MBTPS1: variants seen among roughly 807,000 people sequenced by gnomAD.
MBTPS1 encodes membrane bound transcription factor peptidase, site 1.
In MBTPS1, 94 loss-of-function variants were observed where a neutral mutation model predicts 127.8. That is an observed-to-expected ratio of 0.74 (90% CI 0.62 to 0.87). The LOEUF (loss-of-function observed/expected upper bound fraction) is 0.87, where lower values mean the gene tolerates loss of function less well. Ranked by LOEUF, MBTPS1 falls within the 40% of genes least tolerant of loss-of-function variation. MBTPS1 has a pLI of 0.00. For synonymous variants in MBTPS1, 632 were observed against 509.4 expected, an observed-to-expected ratio of 1.24 and a Z score of -3.24; for missense variants, 1,636 against 1,353.2, an observed-to-expected ratio of 1.21 and a Z score of -3.28.
chr16:84,116,433 G>C (rs1408479767), intron 1 of MBTPS1, among the ~76,000 whole-genome samples: 1 of 152,212 alleles, frequency 6.6e-6, no homozygotes, highest in Non-Finnish European at 1.5e-5. Context: ...CTAGAATTGA[G>C]TCTGTCTGGA....
At chr16:84,090,543 C>G (rs1022002321) in intron 8 of MBTPS1, among the ~76,000 whole-genome samples, 2 of 152,130 alleles carry the variant, frequency 1.3e-5, no homozygotes, top group African/African-American at 4.8e-5. Flanking sequence ...TGCAGAATCC[C>G]TAATAGATTC....
intron 8 of MBTPS1, among the ~76,000 whole-genome samples, chr16:84,089,117 G>A (rs2086069582): frequency 6.6e-6 from 1 of 152,258 alleles, no homozygotes; most frequent in Admixed American, 6.5e-5. Context: ...TGGCCAGGAG[G>A]ATGGGCAGAG....
chr16:84,071,656 T>C (rs2085771051), intron 12 of MBTPS1: 1 of 152,106 alleles, frequency 6.6e-6, no homozygotes. Flanking sequence ...AAAATGGAAA[T>C]TTTATTATCT....
intron 14 of MBTPS1, among the ~76,000 whole-genome samples, chr16:84,069,286 G>A (rs533525950): frequency 6.6e-6 from 1 of 152,364 alleles, no homozygotes; most frequent in East Asian, 1.9e-4. Context: ...CAGGCACAGG[G>A]AGAGCGGCTA....
In MBTPS1 at chr16:84,082,565, C is replaced by T. The variant is rs186912575; in HGVS notation, c.1287-657G>A. ...TAGCCTGGTGATACTAGCGTTACAA[C>T]ATCCATTTTTGTGTATTTATGTATT... On this transcript the variant is annotated intron_variant, in intron 10 of 22. Transcript: ENST00000343411. 1.1e-3 allele frequency among the ~76,000 whole-genome samples: 162 copies of T among 152,234 alleles called. 4 individuals are homozygous for T. The highest frequency in any genetic ancestry group is 1.2e-3 in the East Asian group (6 of 5,188).
chr16:84,068,751 G>A (rs143203763), intron 14 of MBTPS1, among the ~76,000 whole-genome samples: 1,581 of 152,322 alleles, frequency 0.01, 11 homozygotes, highest in Non-Finnish European at 0.013. Flanking sequence ...TGTAGCAGTC[G>A]CGTTCAAGTA....
intron 11 of MBTPS1, among the ~76,000 whole-genome samples, chr16:84,076,779 T>C (rs1432093345): frequency 6.6e-6 from 1 of 152,224 alleles, no homozygotes; most frequent in African/African-American, 2.4e-5. Flanking sequence ...AAACATATCC[T>C]TTGCTCTTAG....
At chr16:84,085,581 C>CCT (rs1567490573) in intron 9 of MBTPS1, among the ~76,000 whole-genome samples, 7 of 108,550 alleles carry the variant, frequency 6.4e-5, no homozygotes, top group African/African-American at 2.5e-4. Context: ...GCCCCCCCCC[C>CCT]AAAAAAAAAG....
chr16:84,066,648 G>A (rs1352813200), intron 16 of MBTPS1, 35 bp from the exon 17 acceptor site: 4 of 1,609,362 alleles, frequency 2.5e-6, no homozygotes, highest in African/African-American at 1.3e-5. Context: ...AGGGAACAGG[G>A]AATGAAGACA....
chr16:84,087,529 G>C, intron 8 of MBTPS1, 69 bp from the exon 9 acceptor site: 1 of 1,055,008 alleles, frequency 9.5e-7, no homozygotes, highest in East Asian at 2.5e-5. Flanking sequence ...ATTTAAAATG[G>C]ATGATTCAAA....
intron 20 of MBTPS1, 69 bp from the exon 21 acceptor site, chr16:84,059,497 G>A: frequency 4.1e-6 from 6 of 1,474,466 alleles, no homozygotes; most frequent in Non-Finnish European, 5.6e-6. Flanking sequence ...GGAAAAAGGA[G>A]GGCCTTATTA....
intron 1 of MBTPS1, among the ~76,000 whole-genome samples, chr16:84,112,487 G>A (rs535699955): frequency 1.2e-4 from 18 of 151,292 alleles, no homozygotes; most frequent in African/African-American, 2.7e-4. Flanking sequence ...CTGAAACCCC[G>A]TTTCCACTAA....
chr16:84,062,582 C>T (rs903915026), intron 19 of MBTPS1, among the ~76,000 whole-genome samples: 1 of 152,160 alleles, frequency 6.6e-6, no homozygotes, highest in Non-Finnish European at 1.5e-5. Flanking sequence ...CCTCGAGTTC[C>T]CCAGTGGTCA....
chr16:84,084,974 A>G lies in MBTPS1; in HGVS notation c.1286+9T>C. On this transcript the variant is annotated intron_variant, in intron 10 of 22. Coordinates refer to ENST00000343411, the MANE Select transcript of MBTPS1 (RefSeq NM_003791.4). Reference sequence around the variant, plus strand: ...TGGGAGCTACTGGTCTCTAGGGGGCAGCACTCACCTCACTAACAAGGTGAC... The same window carrying G: ...TGGGAGCTACTGGTCTCTAGGGGGCGGCACTCACCTCACTAACAAGGTGAC... 6.2e-7 allele frequency: 1 copy of G among 1,613,552 alleles called. No individual in the cohort carries two copies. Among genetic ancestry groups the G allele is most frequent in the Non-Finnish European group, 8.5e-7 (1 of 1,179,810 alleles).
In MBTPS1 at chr16:84,102,015, C is replaced by CG. The variant is rs1412326626; in HGVS notation, c.-233_-232insC. ...TCTCCATCTTGGAAATAAGGCTTCT[C>CG]TCACTCAGGCCGTGACGACTGAGTC... On this transcript the variant is annotated 5_prime_UTR_variant, in exon 2 of 23. Coordinates refer to ENST00000343411, the MANE Select transcript of MBTPS1 (RefSeq NM_003791.4). The CG allele has an allele frequency of 4.0e-6, 2 of 502,800 alleles. No homozygotes were observed. Among genetic ancestry groups the CG allele is most frequent in the East Asian group, 6.7e-5 (2 of 29,650 alleles). The allele number at this position is 502,800 out of a possible 1,614,324, so 31.1% of individuals were successfully genotyped here. A position where few individuals can be genotyped will look rare whatever the true frequency, so the allele number is the denominator to read the frequency against.
chr16:84,108,498 A>C (rs1014223866), intron 1 of MBTPS1, among the ~76,000 whole-genome samples: 6 of 152,208 alleles, frequency 3.9e-5, no homozygotes, highest in Admixed American at 1.3e-4. Context: ...TCCTGACCTC[A>C]GGTGATCCAG....
Position 84,093,193 on chromosome 16 carries a change from T to A in MBTPS1, c.841A>T (p.Asn281Tyr). Residue 281 changes from asparagine (N) to tyrosine (Y), a missense_variant, in exon 6 of 23, where the codon AAT becomes TAT. Coordinates refer to ENST00000343411, the MANE Select transcript of MBTPS1 (RefSeq NM_003791.4). Reference protein sequence around the residue: ...ELHIFRVFTNNQVSYTSWFLD... With the variant: ...ELHIFRVFTNYQVSYTSWFLD... ...GGAGTCCTCAAAACACCTACCTGAT[T>A]ATTGGTAAAGACCCTGAAAATGTGA... The A allele has an allele frequency of 6.2e-7, 1 of 1,608,342 alleles. No individual in the cohort carries two copies. Among genetic ancestry groups the A allele is most frequent in the Non-Finnish European group, 8.5e-7 (1 of 1,174,706 alleles).
At chr16:84,063,032 G>C (rs1469982532) in intron 19 of MBTPS1, among the ~76,000 whole-genome samples, 1 of 152,268 alleles carries the variant, frequency 6.6e-6, no homozygotes, top group Non-Finnish European at 1.5e-5. Context: ...CAACGCGGGA[G>C]TCCCGCCTCC....
chr16:84,091,304 G>A (rs1038491625), intron 7 of MBTPS1, among the ~76,000 whole-genome samples: 13 of 151,938 alleles, frequency 8.6e-5, no homozygotes, highest in Non-Finnish European at 1.2e-4. Flanking sequence ...TGGCCAATTC[G>A]GTGAAACCCC....
Sources: allele counts gnomAD v4.1 joint callset (sites outside exome capture counted in the v4.1 genomes callset), GRCh38; gene constraint gnomAD v4.1.1; transcripts MANE v1.5; gene names NCBI Gene and HGNC (gene_info 2026-07-23, HGNC 2026-07-21).